ATE1: variants seen among roughly 807,000 people sequenced by gnomAD.
ATE1 encodes the protein arginyl-tRNA--protein transferase 1.
Under a neutral mutation model 70.5 loss-of-function variants are expected in ATE1, and 36 were observed. The ratio of observed to expected loss-of-function variants is 0.51; its 90% CI spans 0.39 to 0.67. The LOEUF (loss-of-function observed/expected upper bound fraction) is 0.67. Ranked by LOEUF, ATE1 falls within the 30% of genes least tolerant of loss-of-function variation. The probability of loss-of-function intolerance (pLI) is 0.00; values close to 1 mark genes in which losing one functional copy is unlikely to be tolerated. For missense variants in ATE1, 593 were observed against 629.5 expected (o/e 0.94, Z 0.62); for synonymous variants, 232 against 219.3 (o/e 1.06, Z -0.51).
At chr10:121,771,783 T>C (rs1318016396) in intron 11 of ATE1, among the ~76,000 whole-genome samples, 1 of 152,216 alleles carries the variant, frequency 6.6e-6, no homozygotes, top group African/African-American at 2.4e-5. Context: ...TAAAATGGAA[T>C]GAGCAAAACA....
In ATE1 at chr10:121,762,622, G is replaced by A. The variant is rs149224564; in HGVS notation, c.1379-18764C>T. 9.4e-4 allele frequency among the ~76,000 whole-genome samples: 143 copies of A among 152,280 alleles called. 2 individuals carry two copies. In the East Asian group the frequency reaches 0.025, roughly 27 times the overall value. ...GAACTGGTGGGTCTAAATGGTCCCAGTGTGAGTGAGCTTGGTGAGTGTGCG... is the reference window on the plus strand; with the variant it reads ...GAACTGGTGGGTCTAAATGGTCCCAATGTGAGTGAGCTTGGTGAGTGTGCG... On this transcript the variant is annotated intron_variant, in intron 11 of 11. Coordinates refer to ENST00000224652, the MANE Select transcript of ATE1 (RefSeq NM_001001976.3).
At chr10:121,789,929 T>C (rs1382050887) in intron 11 of ATE1, among the ~76,000 whole-genome samples, 2 of 117,262 alleles carry the variant, frequency 1.7e-5, no homozygotes, top group East Asian at 2.7e-4. Flanking sequence ...ACTAATCTAA[T>C]GGGAGAAGCT....
intron 8 of ATE1, among the ~76,000 whole-genome samples, chr10:121,855,029 G>T (rs2133903290): frequency 6.6e-6 from 1 of 152,316 alleles, no homozygotes; most frequent in South Asian, 2.1e-4. Context: ...CAGCTGCACA[G>T]ATAAGGGGAG....
At chr10:121,914,587 T>C (rs749776568) in intron 3 of ATE1, among the ~76,000 whole-genome samples, 1 of 151,960 alleles carries the variant, frequency 6.6e-6, no homozygotes, top group Non-Finnish European at 1.5e-5. Context: ...TCTGGAAATA[T>C]GAGTGAAAGT....
At chr10:121,894,561 T>C (rs1269313319) in intron 7 of ATE1, among the ~76,000 whole-genome samples, 4 of 152,040 alleles carry the variant, frequency 2.6e-5, no homozygotes, top group Non-Finnish European at 4.4e-5. Context: ...AGAATATATA[T>C]AATAAACTCC....
chr10:121,855,521 T>C (rs1949216065), intron 8 of ATE1, among the ~76,000 whole-genome samples: 1 of 152,200 alleles, frequency 6.6e-6, no homozygotes, highest in African/African-American at 2.4e-5. Context: ...ATAGCTAAAG[T>C]TGTAGAACTG....
At chr10:121,782,905 T>C (rs1946054974) in intron 11 of ATE1, among the ~76,000 whole-genome samples, 1 of 152,224 alleles carries the variant, frequency 6.6e-6, no homozygotes, top group Non-Finnish European at 1.5e-5. Context: ...TCTCAGTTCT[T>C]CAGTTTCGGA....
chr10:121,920,727 G>A lies in ATE1; in HGVS notation c.233+1622C>T, dbSNP rs555294324. On this transcript the variant is annotated intron_variant, in intron 3 of 11. Transcript: ENST00000224652. ...ACTGGACTCTGGGCCAGGTGCAGTG[G>A]CTCACGCCTGTAATATCAGCACTTT... Among the ~76,000 whole-genome samples the A allele has an allele frequency of 1.1e-4, 17 of 152,234 alleles. No homozygotes were observed. In the South Asian group the frequency reaches 3.5e-3, roughly 32 times the overall value.
intron 11 of ATE1, among the ~76,000 whole-genome samples, chr10:121,750,016 G>A (rs1049708284): frequency 6.6e-6 from 1 of 152,126 alleles, no homozygotes; most frequent in African/African-American, 2.4e-5. Context: ...AAGAAAGGCA[G>A]ATTCTAATTC....
At chr10:121,861,662 G>A (rs1391344350) in intron 8 of ATE1, among the ~76,000 whole-genome samples, 2 of 150,004 alleles carry the variant, frequency 1.3e-5, no homozygotes, top group African/African-American at 4.9e-5. Flanking sequence ...TGACGAGTTA[G>A]TGGGTGCAGC....
At chr10:121,749,531 C>T (rs1332123316) in intron 11 of ATE1, among the ~76,000 whole-genome samples, 3 of 152,034 alleles carry the variant, frequency 2.0e-5, no homozygotes, top group East Asian at 1.9e-4. Context: ...GAAAGATACA[C>T]TATCCATTTT....
intron 4 of ATE1, among the ~76,000 whole-genome samples, chr10:121,912,461 C>T (rs1254007126): frequency 6.6e-6 from 1 of 151,284 alleles, no homozygotes; most frequent in Non-Finnish European, 1.5e-5. Flanking sequence ...ACCAGCCTGG[C>T]CAACACAGTG....
intron 11 of ATE1, among the ~76,000 whole-genome samples, chr10:121,761,368 C>T (rs528509140): frequency 1.3e-5 from 2 of 152,226 alleles, no homozygotes; most frequent in Non-Finnish European, 2.9e-5. Flanking sequence ...CAAGGCAAAA[C>T]TCTTTATCAG....
intron 11 of ATE1, among the ~76,000 whole-genome samples, chr10:121,788,010 A>T (rs1285059317): frequency 6.6e-6 from 1 of 152,228 alleles, no homozygotes. Context: ...TCATAATATA[A>T]TTGGAATGCA....
At chr10:121,890,847 A>G (rs941084182) in intron 7 of ATE1, among the ~76,000 whole-genome samples, 2 of 152,182 alleles carry the variant, frequency 1.3e-5, no homozygotes, top group African/African-American at 4.8e-5. Flanking sequence ...AATTACTCCA[A>G]TTTATATCAC....
chr10:121,819,700 A>AAC (rs1238894893), intron 10 of ATE1, among the ~76,000 whole-genome samples: 49 of 150,070 alleles, frequency 3.3e-4, no homozygotes, highest in Non-Finnish European at 5.0e-4. Flanking sequence ...AAAAAAAAAA[A>AAC]AGACTACACA....
intron 8 of ATE1, among the ~76,000 whole-genome samples, chr10:121,855,429 T>C (rs1949211566): frequency 6.6e-6 from 1 of 152,216 alleles, no homozygotes; most frequent in African/African-American, 2.4e-5. Context: ...TTTGTCTAAT[T>C]GTATATTTGT....
chr10:121,884,302 T>C (rs895137887), intron 7 of ATE1, among the ~76,000 whole-genome samples: 1 of 151,948 alleles, frequency 6.6e-6, no homozygotes, highest in African/African-American at 2.4e-5. Flanking sequence ...AGGAAGTTAC[T>C]GACCGAAAGG....
Position 121,841,197 on chromosome 10 carries a change from C to T in ATE1, c.1042G>A (p.Gly348Arg), listed in dbSNP as rs373868806. ...GSFHQQYWLD[G>R]KIIAVGVIDI... ...ATCACCCCCACAGCAATGATCTTTC[C>T]GTCAAGCCAGTACTGCTGGTGAAAG... Residue 348 changes from glycine (G) to arginine (R), a missense_variant, in exon 9 of 12, where the codon GGA becomes AGA. Around this residue, in one of 3 missense-constraint regions of ATE1, gnomAD observed 467 missense variants for 469.6 expected, o/e 0.99. Transcript: ENST00000224652. The T allele has an allele frequency of 1.8e-5, 29 of 1,597,288 alleles. No homozygotes were observed. The African/African-American group carries it at 2.1e-4, about 12-fold the overall frequency.
Sources: gnomAD v4.1 joint callset for allele counts (sites outside exome capture counted in the v4.1 genomes callset) on GRCh38, gnomAD v4.1.1 for gene constraint, gnomAD v4.1.1 regional missense constraint, MANE v1.5 for transcripts, NCBI Gene and HGNC (gene_info 2026-07-23, HGNC 2026-07-21) for gene names.